Variants in SUSD4 observed in about 807,000 individuals in gnomAD.
SUSD4 encodes sushi domain containing 4.
Under a neutral mutation model 50.5 loss-of-function variants are expected in SUSD4, and 41 were observed. That is an observed-to-expected ratio of 0.81 (90% CI 0.63 to 1.05). The LOEUF is 1.05. Among genes scored for constraint, SUSD4 ranks in the 50% least tolerant of loss-of-function variants. The probability of loss-of-function intolerance (pLI) is 0.00; values close to 1 mark genes in which losing one functional copy is unlikely to be tolerated. For missense variants in SUSD4, 580 were observed against 634.7 expected, an observed-to-expected ratio of 0.91 and a Z score of 0.93; for synonymous variants, 257 against 257.3, an observed-to-expected ratio of 1.00 and a Z score of 0.01.
At chr1:223,331,825 G>T (rs148972327) in intron 2 of SUSD4, among the ~76,000 whole-genome samples, 1 of 152,174 alleles carries the variant, frequency 6.6e-6, no homozygotes, top group Non-Finnish European at 1.5e-5. Flanking sequence ...TAAGGAAGAC[G>T]TGTGTTCTCC....
In SUSD4 at chr1:223,264,145, G is replaced by A. The variant is rs985810613; in HGVS notation, c.724+485C>T. On this transcript the variant is annotated intron_variant, in intron 5 of 8. Transcript: ENST00000366878. ...TCGTGAATCACAATCTATAGTCATAGAGATTTAATAAAAACAGGGAGGAAA... is the reference window on the plus strand; with the variant it reads ...TCGTGAATCACAATCTATAGTCATAAAGATTTAATAAAAACAGGGAGGAAA... The A allele has an allele frequency of 4.1e-6, 4 of 985,404 alleles. No individual in the cohort carries two copies. The African/African-American group carries it at 5.2e-5, about 13-fold the overall frequency. The allele number at this position is 985,404 out of a possible 1,614,324, so 61.0% of individuals were successfully genotyped here.
At chr1:223,339,101 T>C (rs946905138) in intron 2 of SUSD4, among the ~76,000 whole-genome samples, 6 of 151,996 alleles carry the variant, frequency 3.9e-5, no homozygotes, top group Admixed American at 3.3e-4. Flanking sequence ...AAGGGAGTAA[T>C]ATCCTGGCAG....
intron 2 of SUSD4, among the ~76,000 whole-genome samples, chr1:223,319,410 C>G (rs1666439428): frequency 6.6e-6 from 1 of 151,540 alleles, no homozygotes; most frequent in Non-Finnish European, 1.5e-5. Context: ...ACTCATCTGA[C>G]AAAGGGCTAA....
intron 2 of SUSD4, among the ~76,000 whole-genome samples, chr1:223,359,812 T>G (rs1668871348): frequency 6.6e-6 from 1 of 152,026 alleles, no homozygotes; most frequent in Non-Finnish European, 1.5e-5. Flanking sequence ...ATGAGAGAAG[T>G]TATGGCATTT....
Position 223,232,576 on chromosome 1 carries a change from T to C in SUSD4, c.725-3188A>G, listed in dbSNP as rs138753352. On this transcript the variant is annotated intron_variant, in intron 5 of 8. Coordinates refer to ENST00000366878, the MANE Select transcript of SUSD4 (RefSeq NM_017982.4). ...CACATAAATGTATGCAAGTTTGTTA[T>C]CAGCAGCATTTTTTTCTCACTGGGC... is the stretch of plus-strand genomic sequence containing the variant. 1.1e-3 allele frequency among the ~76,000 whole-genome samples: 169 copies of C among 152,346 alleles called. 1 individual carries two copies. The East Asian group carries it at 0.027, about 24-fold the overall frequency.
At chr1:223,345,537 C>G (rs939503524) in intron 2 of SUSD4, among the ~76,000 whole-genome samples, 1 of 152,206 alleles carries the variant, frequency 6.6e-6, no homozygotes, top group Non-Finnish European at 1.5e-5. Context: ...GGATCCCTCA[C>G]AGTCCCTGTG....
intron 5 of SUSD4, among the ~76,000 whole-genome samples, chr1:223,242,566 T>C (rs980093134): frequency 1.3e-5 from 2 of 152,234 alleles, no homozygotes; most frequent in African/African-American, 2.4e-5. Context: ...CCCAGGCCCA[T>C]CCCTGTCCAC....
At chr1:223,292,338 G>A (rs114829066) in intron 3 of SUSD4, 101 bp downstream of exon 3, 1 of 1,314,452 alleles carries the variant, frequency 7.6e-7, no homozygotes, top group African/African-American at 1.4e-5. Context: ...CTGCATCAGA[G>A]AGAAGAGCCC....
chr1:223,345,993 C>A (rs1208437506), intron 2 of SUSD4, among the ~76,000 whole-genome samples: 3 of 152,214 alleles, frequency 2.0e-5, no homozygotes, highest in African/African-American at 7.2e-5. Context: ...CTGCCTACTG[C>A]AGCAGCCAGG....
chr1:223,336,234 G>A (rs1396195245), intron 2 of SUSD4, among the ~76,000 whole-genome samples: 3 of 152,254 alleles, frequency 2.0e-5, no homozygotes, highest in Non-Finnish European at 4.4e-5. Flanking sequence ...GATTACAAGC[G>A]TGAGCCACTG....
In SUSD4 at chr1:223,268,792, A is replaced by G. The variant is rs1292026328; in HGVS notation, c.362-117T>C. 5 of 1,032,148 alleles carry G rather than the reference A, an allele frequency of 4.8e-6. No individual in the cohort carries two copies. The African/African-American group carries it at 6.5e-5, about 13-fold the overall frequency. The allele number at this position is 1,032,148 out of a possible 1,614,324, so 63.9% of individuals were successfully genotyped here. On this transcript the variant is annotated intron_variant, in intron 3 of 8. Transcript: ENST00000366878. ...GTCTCAACCTACACAGCAATCTGAT[A>G]AATGGTACCTCATTTGTCACTAGGC...
At chr1:223,267,591 C>T (rs1286259153) in intron 4 of SUSD4, among the ~76,000 whole-genome samples, 6 of 152,240 alleles carry the variant, frequency 3.9e-5, no homozygotes, top group East Asian at 3.9e-4. Flanking sequence ...GGGCTGCTTT[C>T]GTCCTTCTTA....
chr1:223,223,217 G>T, intron 8 of SUSD4, 32 bp downstream of exon 8: 1 of 1,507,876 alleles, frequency 6.6e-7, no homozygotes, highest in South Asian at 1.3e-5. Context: ...GGTGTTTGCA[G>T]GTGTGGCTTG....
chr1:223,261,107 C>CCATGGCCACGTGGGAGACTA (rs1227142079), intron 5 of SUSD4, among the ~76,000 whole-genome samples: 1 of 152,158 alleles, frequency 6.6e-6, no homozygotes, highest in East Asian at 1.9e-4. Context: ...AAGTGGGGTT[C>CCATGGCCACGTGGGAGACTA]CATGGCCACG....
chr1:223,258,521 G>C (rs1487085454), intron 5 of SUSD4, among the ~76,000 whole-genome samples: 5 of 151,910 alleles, frequency 3.3e-5, no homozygotes, highest in Non-Finnish European at 7.4e-5. Context: ...GAATGGGGCT[G>C]GGGGGAGTCA....
rs117652399 is a variant in SUSD4 at position 223,277,690 on chromosome 1, G to A, written c.362-9015C>T. Among the ~76,000 whole-genome samples, 14 of 152,306 alleles carry A rather than the reference G, an allele frequency of 9.2e-5. No individual in the cohort carries two copies. The East Asian group carries it at 2.5e-3, about 27-fold the overall frequency. ...TGCACACCACCAGGATATAGAAAGAGCACTGGACAAGGAGTCAAGACACTG... is the reference window on the plus strand; with the variant it reads ...TGCACACCACCAGGATATAGAAAGAACACTGGACAAGGAGTCAAGACACTG... On this transcript the variant is annotated intron_variant, in intron 3 of 8. Coordinates refer to ENST00000366878, the MANE Select transcript of SUSD4 (RefSeq NM_017982.4).
At chr1:223,306,015 C>T (rs777836589) in intron 2 of SUSD4, among the ~76,000 whole-genome samples, 1 of 152,146 alleles carries the variant, frequency 6.6e-6, no homozygotes, top group African/African-American at 2.4e-5. Context: ...TCGGCTATGT[C>T]TGAACAAGTA....
At chr1:223,263,126 G>GTCT (rs1662238016) in intron 5 of SUSD4, among the ~76,000 whole-genome samples, 1 of 152,128 alleles carries the variant, frequency 6.6e-6, no homozygotes, top group Non-Finnish European at 1.5e-5. Flanking sequence ...TGATAAAATC[G>GTCT]TAACAACGAT....
chr1:223,345,338 C>A (rs1667970630), intron 2 of SUSD4, among the ~76,000 whole-genome samples: 1 of 152,178 alleles, frequency 6.6e-6, no homozygotes, highest in Admixed American at 6.5e-5. Flanking sequence ...TGAATATTCT[C>A]TTGGTATCTT....
Sources: gnomAD v4.1 joint callset for allele counts (sites outside exome capture counted in the v4.1 genomes callset) on GRCh38, gnomAD v4.1.1 for gene constraint, MANE v1.5 for transcripts, NCBI Gene and HGNC (gene_info 2026-07-23, HGNC 2026-07-21) for gene names.